EEIG2: variants seen among roughly 807,000 people sequenced by gnomAD.
EEIG2 encodes family with sequence similarity 102 member B.
chr1:108,614,298 A>G, the EEIG2 span, among the ~76,000 whole-genome samples: 1 of 150,728 alleles, frequency 6.6e-6, no homozygotes, highest in East Asian at 1.9e-4. Context: ...TAACTCACTT[A>G]TTAAATATCT....
chr1:108,611,784 T>C, the EEIG2 span, among the ~76,000 whole-genome samples: 2 of 152,232 alleles, frequency 1.3e-5, no homozygotes, highest in African/African-American at 4.8e-5. Flanking sequence ...TCTCTATGTG[T>C]ATGCAAATTA....
At chr1:108,633,732 T>A in the EEIG2 span, among the ~76,000 whole-genome samples, 2 of 152,254 alleles carry the variant, frequency 1.3e-5, no homozygotes, top group African/African-American at 2.4e-5. Context: ...GTGTTTATTC[T>A]GCCTGGGGTT....
At chr1:108,607,676 A>T in the EEIG2 span, among the ~76,000 whole-genome samples, 3 of 152,282 alleles carry the variant, frequency 2.0e-5, no homozygotes, top group South Asian at 6.2e-4. Context: ...AATAAATAAA[A>T]TAAATCAAGG....
the EEIG2 span, chr1:108,638,699 G>C: frequency 6.6e-6 from 1 of 151,942 alleles, no homozygotes; most frequent in Non-Finnish European, 1.5e-5. Context: ...TGTTGTCTTA[G>C]GTACTACGCA....
the EEIG2 span, among the ~76,000 whole-genome samples, chr1:108,569,238 T>C: frequency 6.6e-6 from 1 of 152,170 alleles, no homozygotes. Context: ...GTAGACTACC[T>C]CAGTACTACT....
At chr1:108,579,772 T>TGTGTGTGTGTGTGTGAGAGA in the EEIG2 span, among the ~76,000 whole-genome samples, 69 of 58,870 alleles carry the variant, frequency 1.2e-3, no homozygotes, top group African/African-American at 4.0e-3. Context: ...TGTGTGTGTG[T>TGTGTGTGTGTGTGTGAGAGA]GAGAGAGAGA....
chr1:108,629,780 T>C, the EEIG2 span: 1 of 730,260 alleles, frequency 1.4e-6, no homozygotes, highest in Non-Finnish European at 2.5e-6. Context: ...ATAGTAGTAG[T>C]TACATGCGAA....
the EEIG2 span, among the ~76,000 whole-genome samples, chr1:108,613,005 T>A: frequency 2.0e-5 from 3 of 152,194 alleles, no homozygotes. Context: ...TCAAACTTTT[T>A]TGCAGCAAAT....
At chr1:108,592,380 T>C in the EEIG2 span, among the ~76,000 whole-genome samples, 2 of 152,246 alleles carry the variant, frequency 1.3e-5, no homozygotes, top group African/African-American at 4.8e-5. Flanking sequence ...GGATTTCTTC[T>C]CCATTAAGGA....
the EEIG2 span, among the ~76,000 whole-genome samples, chr1:108,630,122 G>T: frequency 6.6e-6 from 1 of 152,196 alleles, no homozygotes; most frequent in African/African-American, 2.4e-5. Context: ...GGGACCATAG[G>T]CATGCGCCAC....
At chr1:108,568,982 A>G in the EEIG2 span, among the ~76,000 whole-genome samples, 4 of 152,216 alleles carry the variant, frequency 2.6e-5, no homozygotes, top group African/African-American at 7.2e-5. Context: ...TATCAGGATA[A>G]TTAGCCTCTG....
chr1:108,626,775 A>G, the EEIG2 span: 7 of 152,104 alleles, frequency 4.6e-5, no homozygotes, highest in African/African-American at 7.2e-5. Context: ...CCACTACCCT[A>G]TATGCCAACT....
the EEIG2 span, among the ~76,000 whole-genome samples, chr1:108,568,719 C>G: frequency 1.3e-5 from 2 of 152,160 alleles, no homozygotes; most frequent in African/African-American, 4.8e-5. Flanking sequence ...TGTCAGGGGC[C>G]TGGACTCTTT....
chr1:108,606,241 G>T, the EEIG2 span: 1 of 1,565,768 alleles, frequency 6.4e-7, no homozygotes, highest in Non-Finnish European at 8.7e-7. Context: ...AGGTGGAAAA[G>T]CTTATGCAAA....
the EEIG2 span, among the ~76,000 whole-genome samples, chr1:108,585,592 A>G: frequency 8.5e-5 from 13 of 152,234 alleles, no homozygotes; most frequent in Non-Finnish European, 1.5e-4. Flanking sequence ...ACAGCCATCT[A>G]TAATCTCATC....
chr1:108,597,726 G>A, the EEIG2 span, among the ~76,000 whole-genome samples: 1 of 152,148 alleles, frequency 6.6e-6, no homozygotes, highest in Non-Finnish European at 1.5e-5. Context: ...TAATGCCTTT[G>A]CTTGTTTTTA....
At chr1:108,586,050 C>G in the EEIG2 span, among the ~76,000 whole-genome samples, 1 of 152,022 alleles carries the variant, frequency 6.6e-6, no homozygotes, top group Admixed American at 6.6e-5. Context: ...GGAATACTTT[C>G]ATAATATGTA....
At chr1:108,576,942 A>G in the EEIG2 span, among the ~76,000 whole-genome samples, 1 of 151,492 alleles carries the variant, frequency 6.6e-6, no homozygotes, top group Admixed American at 6.6e-5. Context: ...ATTTCTCCAC[A>G]TCCTCTCCAG....
At chr1:108,582,465 A>G in the EEIG2 span, among the ~76,000 whole-genome samples, 1 of 152,334 alleles carries the variant, frequency 6.6e-6, no homozygotes, top group South Asian at 2.1e-4. Context: ...CATAATATAT[A>G]TAGTGGCTAT....
Sources: allele counts gnomAD v4.1 joint callset (sites outside exome capture counted in the v4.1 genomes callset), GRCh38; gene constraint gnomAD v4.1.1; transcripts MANE v1.5; gene names NCBI Gene and HGNC (gene_info 2026-07-23, HGNC 2026-07-21).